The following ANTXRL variants were observed in gnomAD, a reference collection of about 807,000 sequenced individuals.
ANTXRL encodes anthrax toxin receptor-like.
Under a neutral mutation model 75.4 loss-of-function variants are expected in ANTXRL, and 63 were observed. The observed-to-expected ratio is 0.84, with a 90% CI of 0.68 to 1.03. The LOEUF is 1.03. Ranked by LOEUF, ANTXRL falls within the 50% of genes least tolerant of loss-of-function variation. The pLI is 0.00. For synonymous variants in ANTXRL, 335 were observed against 291.3 expected, an observed-to-expected ratio of 1.15 and a Z score of -1.53; for missense variants, 797 against 789.4, an observed-to-expected ratio of 1.01 and a Z score of -0.12.
chr10:46,307,404 A>G lies in ANTXRL; in HGVS notation c.968A>G (p.Glu323Gly). Residue 323 changes from glutamate (E) to glycine (G), a missense_variant and splice_region_variant, in exon 12 of 17, where the codon GAG becomes GGG. Glu to Gly is a moderately conservative substitution (Grantham distance 98, BLOSUM62 -2). This residue lies in a region of ANTXRL where 479 missense variants were observed against 422.0 expected (regional missense o/e 1.14). Coordinates refer to ENST00000620264, the MANE Select transcript of ANTXRL (RefSeq NM_001278688.3). ...CATCTGCATTTTCTATGCTTTAGGG[A>G]GTACTCTATTGAAGTCAGCTTGAAC... ...PGPKLEKPGE[E>G]YSIEVSLNKG... is the part of the protein sequence containing the mutation. 1 of 1,535,152 alleles carries G rather than the reference A, an allele frequency of 6.5e-7. No homozygotes were observed. Among genetic ancestry groups the G allele is most frequent in the Non-Finnish European group, 8.7e-7 (1 of 1,145,848 alleles).
Position 46,329,694 on chromosome 10 carries a change from C to T in ANTXRL, c.1506C>T (p.Ser502=), listed in dbSNP as rs1839398188. The change falls in exon 17 of 17, where the codon TCC becomes TCT. Residue 502 remains serine, a synonymous_variant. Transcript: ENST00000620264. The part of the protein sequence containing the change: ...ICFPHSQECL[S]LPQAPCSPRM... ...TTCCACACAGCCAGGAGTGCCTTTC[C>T]CTACCACAGGCTCCCTGCAGCCCAA... 3.3e-6 allele frequency: 5 copies of T among 1,536,166 alleles called. No homozygotes were observed. In the South Asian group the frequency reaches 3.6e-5, roughly 11 times the overall value.
chr10:46,320,569 TA>T (rs1257675653), intron 16 of ANTXRL, among the ~76,000 whole-genome samples: 1 of 152,096 alleles, frequency 6.6e-6, no homozygotes, highest in Non-Finnish European at 1.5e-5. Flanking sequence ...CCATCTCTAC[TA>T]AAAATACAAA....
At chr10:46,314,105 C>T (rs1269901974) in intron 16 of ANTXRL, among the ~76,000 whole-genome samples, 2 of 152,186 alleles carry the variant, frequency 1.3e-5, no homozygotes, top group African/African-American at 4.8e-5. Flanking sequence ...GCCAGACCTC[C>T]TGCATCAGGC....
At position 46,320,239 on chromosome 10, in the gene ANTXRL, T is replaced by C. The variant is rs564444053; in HGVS notation, c.1410+6923T>C. On this transcript the variant is annotated intron_variant, in intron 16 of 16. Transcript: ENST00000620264. ...TTCAGTTGGTTTCCTGGGGGCTCACTCTTGCTGGTAGTGGGGAACCCACTG... is the reference window on the plus strand; with the variant it reads ...TTCAGTTGGTTTCCTGGGGGCTCACCCTTGCTGGTAGTGGGGAACCCACTG... Among the ~76,000 whole-genome samples, 4 of 152,316 alleles carry C rather than the reference T, an allele frequency of 2.6e-5. No homozygotes were observed. The East Asian group carries it at 7.7e-4, about 29-fold the overall frequency.
intron 16 of ANTXRL, among the ~76,000 whole-genome samples, chr10:46,315,729 C>G (rs757966207): frequency 6.6e-6 from 1 of 152,178 alleles, no homozygotes; most frequent in Non-Finnish European, 1.5e-5. Flanking sequence ...TTTAGAGGAG[C>G]TGCTGCCTTT....
intron 1 of ANTXRL, among the ~76,000 whole-genome samples, chr10:46,290,100 G>C (rs1411068416): frequency 1.4e-5 from 2 of 142,920 alleles, no homozygotes; most frequent in Non-Finnish European, 1.5e-5. Context: ...GGAGTTCAGC[G>C]GCGCGATCTC....
At chr10:46,328,569 C>A (rs1335525906) in intron 16 of ANTXRL, among the ~76,000 whole-genome samples, 1 of 152,036 alleles carries the variant, frequency 6.6e-6, no homozygotes, top group Non-Finnish European at 1.5e-5. Flanking sequence ...GGCCATGTTG[C>A]TCAGCAAGGG....
intron 12 of ANTXRL, 120 bp downstream of exon 12, chr10:46,307,600 G>A (rs1838169302): frequency 3.1e-6 from 3 of 959,546 alleles, no homozygotes; most frequent in Admixed American, 2.1e-5. Flanking sequence ...TGTGCAGCAG[G>A]CACCTGAGGC....
intron 16 of ANTXRL, among the ~76,000 whole-genome samples, chr10:46,323,879 A>G (rs1218833135): frequency 6.6e-6 from 1 of 152,138 alleles, no homozygotes; most frequent in Non-Finnish European, 1.5e-5. Flanking sequence ...AGCTAAAACA[A>G]TGGTGAGGCA....
rs113113467 is a variant in ANTXRL at position 46,312,167 on chromosome 10, A to G, written c.1329+502A>G. ...GGGCACCTGCCAGCCCGGGCAGCAG[A>G]ATCTTCAGGCAGTGAGGAAAAGCTG... On this transcript the variant is annotated intron_variant, in intron 15 of 16. Coordinates refer to ENST00000620264, the MANE Select transcript of ANTXRL (RefSeq NM_001278688.3). Among the ~76,000 whole-genome samples, 1,442 of 148,852 alleles carry G rather than the reference A, an allele frequency of 9.7e-3. 41 individuals are homozygous for G. Among genetic ancestry groups the G allele is most frequent in the African/African-American group, 0.034 (1,351 of 39,580 alleles).
In ANTXRL at chr10:46,287,324, C is replaced by T. The variant is rs1836804563; in HGVS notation, c.62C>T (p.Pro21Leu). Residue 21 changes from proline (P) to leucine (L), a missense_variant, in exon 1 of 17, where the codon CCT (proline) becomes CTT (leucine). Physicochemically the swap from Pro to Leu is moderately conservative, Grantham distance 98. This residue lies in a region of ANTXRL where 262 missense variants were observed against 271.9 expected (regional missense o/e 0.96). Coordinates refer to ENST00000620264, the MANE Select transcript of ANTXRL (RefSeq NM_001278688.3). ...GTCTTCCTGCTGCTGCTGCTGCTTC[C>T]TCCACCGCTTTTTAGAGCAGGAAGC... ...FLVFLLLLLLPPPLFRAGSLR... is the reference protein window; with the variant it reads ...FLVFLLLLLLLPPLFRAGSLR... 12 of 1,536,014 alleles carry T rather than the reference C, an allele frequency of 7.8e-6. No homozygotes were observed. The highest frequency in any genetic ancestry group is 1.0e-5 in the Non-Finnish European group (12 of 1,146,764).
intron 2 of ANTXRL, among the ~76,000 whole-genome samples, chr10:46,293,303 T>TGA (rs1554957195): frequency 1.3e-5 from 1 of 74,234 alleles, no homozygotes; most frequent in African/African-American, 4.6e-5. Context: ...TGTGCCTGTG[T>TGA]GTGTGTGCGT....
intron 12 of ANTXRL, among the ~76,000 whole-genome samples, chr10:46,308,166 C>T (rs1171969656): frequency 6.6e-6 from 1 of 152,196 alleles, no homozygotes; most frequent in African/African-American, 2.4e-5. Flanking sequence ...TGAGGACACA[C>T]CAGTGTTGAG....
intron 16 of ANTXRL, among the ~76,000 whole-genome samples, chr10:46,321,980 T>G (rs1022484610): frequency 1.3e-5 from 2 of 152,202 alleles, no homozygotes; most frequent in Non-Finnish European, 2.9e-5. Flanking sequence ...AGTGCCATCA[T>G]GTCCATAATA....
intron 3 of ANTXRL, among the ~76,000 whole-genome samples, chr10:46,295,063 C>A (rs1433213867): frequency 6.6e-6 from 1 of 152,196 alleles, no homozygotes; most frequent in Non-Finnish European, 1.5e-5. Flanking sequence ...CCTCATGCCC[C>A]GGCCAGTCCG....
intron 5 of ANTXRL, 38 bp from the exon 6 acceptor site, chr10:46,297,214 G>T: frequency 1.3e-6 from 2 of 1,511,134 alleles, no homozygotes; most frequent in Non-Finnish European, 1.8e-6. Flanking sequence ...CACTCCTGGT[G>T]CCTTTGCTGA....
intron 16 of ANTXRL, among the ~76,000 whole-genome samples, chr10:46,328,615 T>G (rs1440637182): frequency 1.3e-5 from 2 of 152,008 alleles, no homozygotes; most frequent in Non-Finnish European, 2.9e-5. Context: ...CTGAGCACAT[T>G]GCCTCTCTCT....
chr10:46,303,314 A>C (rs1554961034), intron 10 of ANTXRL, among the ~76,000 whole-genome samples: 1 of 152,232 alleles, frequency 6.6e-6, no homozygotes, highest in Non-Finnish European at 1.5e-5. Flanking sequence ...GCTCAGGCAC[A>C]CATTGCCTGT....
chr10:46,309,185 C>A lies in ANTXRL; in HGVS notation c.1117C>A (p.Arg373=), dbSNP rs200917273. The part of the protein sequence containing the change: ...LVPLLLCCVW[R]LCRKQTVKEP... ...GCCACTGCTGCTGTGTTGTGTCTGG[C>A]GGCTGTGCCGCAAGCAGGCAAGTGC... is the stretch of plus-strand genomic sequence containing the variant. Residue 373 remains arginine, a synonymous_variant, in exon 13 of 17, where the codon CGG becomes AGG. Coordinates refer to ENST00000620264, the MANE Select transcript of ANTXRL (RefSeq NM_001278688.3). 3.9e-6 allele frequency: 6 copies of A among 1,535,658 alleles called. No homozygotes were observed. The highest frequency in any genetic ancestry group is 3.9e-5 in the Admixed American group (2 of 50,966).
Sources: allele counts gnomAD v4.1 joint callset (sites outside exome capture counted in the v4.1 genomes callset), GRCh38; gene constraint gnomAD v4.1.1; regional missense constraint gnomAD v4.1.1; transcripts MANE v1.5; gene names NCBI Gene and HGNC (gene_info 2026-07-23, HGNC 2026-07-21).